The following DDX4 variants were observed in gnomAD, a reference collection of about 807,000 sequenced individuals.
DDX4 encodes DEAD-box helicase 4.
A neutral mutation model predicts 100.0 loss-of-function variants in DDX4; 25 were observed. The ratio of observed to expected loss-of-function variants is 0.25; its 90% CI spans 0.18 to 0.35. The LOEUF is 0.35. DDX4 is among the 10% of genes least tolerant of loss of function. The pLI, the probability that DDX4 is intolerant of heterozygous loss-of-function variation, is 1.00. For synonymous variants in DDX4, 259 were observed against 275.7 expected, an observed-to-expected ratio of 0.94 and a Z score of 0.60; for missense variants, 635 against 882.4, an observed-to-expected ratio of 0.72 and a Z score of 3.55.
chr5:55,794,108 C>A (rs894694320), intron 17 of DDX4, among the ~76,000 whole-genome samples: 2 of 151,560 alleles, frequency 1.3e-5, no homozygotes, highest in African/African-American at 4.8e-5. Context: ...AGCATTAGGT[C>A]AATTGGCAGG....
At chr5:55,775,378 G>T (rs1401814663) in intron 7 of DDX4, among the ~76,000 whole-genome samples, 1 of 152,172 alleles carries the variant, frequency 6.6e-6, no homozygotes, top group Admixed American at 6.5e-5. Flanking sequence ...AAGTTGAGTT[G>T]CCGGGAGATG....
intron 14 of DDX4, among the ~76,000 whole-genome samples, chr5:55,787,162 C>CGA (rs763772396): frequency 2.6e-5 from 4 of 152,258 alleles, no homozygotes; most frequent in Non-Finnish European, 5.9e-5. Flanking sequence ...TGTTAATTAA[C>CGA]GACTCCATAA....
intron 17 of DDX4, among the ~76,000 whole-genome samples, chr5:55,793,087 T>G (rs1465449793): frequency 6.6e-6 from 1 of 151,358 alleles, no homozygotes; most frequent in East Asian, 1.9e-4. Flanking sequence ...TTGCATAGAA[T>G]CCAGCTAGGG....
chr5:55,762,671 G>A (rs916842874), intron 4 of DDX4, among the ~76,000 whole-genome samples: 1 of 152,146 alleles, frequency 6.6e-6, no homozygotes, highest in East Asian at 1.9e-4. Flanking sequence ...ATAGTATGGC[G>A]AGATGGGGAG....
chr5:55,760,050 A>AT (rs74270749), intron 3 of DDX4, 150 bp from the exon 4 acceptor site: 20,199 of 478,812 alleles, frequency 0.042, 3 homozygotes, highest in East Asian at 0.052. Flanking sequence ...TCATGTAGCC[A>AT]TTTTTTTTTT....
chr5:55,769,764 T>G (rs532730183), intron 7 of DDX4, among the ~76,000 whole-genome samples: 40 of 152,188 alleles, frequency 2.6e-4, no homozygotes, highest in Non-Finnish European at 5.1e-4. Flanking sequence ...GAGTTCAAAC[T>G]ATACTACAAG....
intron 18 of DDX4, among the ~76,000 whole-genome samples, chr5:55,801,057 T>A: frequency 6.6e-6 from 1 of 152,126 alleles, no homozygotes. Context: ...ACCAGTAAGA[T>A]GTTACAGCTA....
intron 7 of DDX4, among the ~76,000 whole-genome samples, chr5:55,770,357 T>C (rs1038727930): frequency 5.9e-5 from 9 of 152,162 alleles, no homozygotes; most frequent in Non-Finnish European, 7.3e-5. Flanking sequence ...AAATTGTAGA[T>C]TATTTTTTGT....
chr5:55,799,845 C>T (rs1053773333), intron 18 of DDX4, among the ~76,000 whole-genome samples: 5 of 152,072 alleles, frequency 3.3e-5, no homozygotes, highest in African/African-American at 4.8e-5. Flanking sequence ...TTAGTACTTG[C>T]GTTTCAGCTT....
At chr5:55,806,495 A>G (rs544343709) in intron 18 of DDX4, among the ~76,000 whole-genome samples, 14 of 152,222 alleles carry the variant, frequency 9.2e-5, no homozygotes, top group Non-Finnish European at 1.8e-4. Context: ...CACTGCTTTG[A>G]ATGTCTCCCA....
intron 7 of DDX4, among the ~76,000 whole-genome samples, chr5:55,775,040 G>T (rs1457060943): frequency 6.6e-6 from 1 of 152,028 alleles, no homozygotes; most frequent in African/African-American, 2.4e-5. Context: ...CTTAACCCTG[G>T]TCTTTGGTAA....
At chr5:55,747,803 A>G (rs897589655) in intron 3 of DDX4, among the ~76,000 whole-genome samples, 1 of 152,198 alleles carries the variant, frequency 6.6e-6, no homozygotes, top group East Asian at 1.9e-4. Context: ...TAACTTTACT[A>G]TGAGTCTCTA....
chr5:55,809,363 G>A (rs904209706), intron 18 of DDX4, among the ~76,000 whole-genome samples: 2 of 152,114 alleles, frequency 1.3e-5, no homozygotes, highest in African/African-American at 4.8e-5. Context: ...GATGAACCCG[G>A]CACCTCAGTT....
chr5:55,752,572 C>A (rs1759635913), intron 3 of DDX4, among the ~76,000 whole-genome samples: 1 of 145,706 alleles, frequency 6.9e-6, no homozygotes. Context: ...TTTTCTTAAT[C>A]CAGTCTATCA....
chr5:55,811,091 G>C (rs757052854), intron 18 of DDX4, among the ~76,000 whole-genome samples: 1 of 149,410 alleles, frequency 6.7e-6, no homozygotes, highest in Non-Finnish European at 1.5e-5. Context: ...TTACAAGGAA[G>C]GTAAAGAATA....
chr5:55,809,456 T>C (rs1338137967), intron 18 of DDX4, among the ~76,000 whole-genome samples: 1 of 152,202 alleles, frequency 6.6e-6, no homozygotes, highest in Non-Finnish European at 1.5e-5. Flanking sequence ...CCATCTTGGC[T>C]CCACCCCTGA....
rs142603651 is a variant in DDX4, at chr5:55,814,840, T to C, written c.1716-61T>C. The C allele has an allele frequency of 2.0e-4, 308 of 1,534,278 alleles. 5 individuals carry two copies. The East Asian group carries it at 5.3e-3, about 26-fold the overall frequency. ...AAAAAGAAATTTGTATGTTGAACTT[T>C]AATGATTCACTTTAATGATTTTAAG... On this transcript the variant is annotated intron_variant, in intron 19 of 21. Transcript: ENST00000505374.
At chr5:55,787,108 C>G (rs1423551360) in intron 14 of DDX4, among the ~76,000 whole-genome samples, 1 of 152,148 alleles carries the variant, frequency 6.6e-6, no homozygotes, top group East Asian at 1.9e-4. Flanking sequence ...TAAAAGAAGT[C>G]TGATGAAACC....
At chr5:55,783,678 A>ATGGATGAATGG (rs1561500781) in intron 10 of DDX4, among the ~76,000 whole-genome samples, 14 of 84,996 alleles carry the variant, frequency 1.6e-4, no homozygotes, top group African/African-American at 5.1e-4. Flanking sequence ...TGGATGGATG[A>ATGGATGAATGG]ATGGATGGAT....
Sources: allele counts gnomAD v4.1 joint callset (sites outside exome capture counted in the v4.1 genomes callset), GRCh38; gene constraint gnomAD v4.1.1; transcripts MANE v1.5; gene names NCBI Gene and HGNC (gene_info 2026-07-23, HGNC 2026-07-21).